Variants in GALK2 observed in about 807,000 individuals in gnomAD.
GALK2 encodes the protein N-acetylgalactosamine kinase.
A neutral mutation model predicts 52.4 loss-of-function variants in GALK2; 36 were observed. The observed-to-expected ratio is 0.69, with a 90% confidence interval of 0.53 to 0.91. The LOEUF is 0.91. Among genes scored for constraint, GALK2 ranks in the 40% least tolerant of loss-of-function variants. GALK2 has a pLI of 0.00. For missense variants in GALK2, 579 were observed against 559.1 expected (o/e 1.04, Z -0.36); for synonymous variants, 176 against 199.1 (o/e 0.88, Z 0.98).
At chr15:49,366,594 G>A in intron 3 of GALK2, 1 of 1,598,076 alleles carries the variant, frequency 6.3e-7, no homozygotes, top group Non-Finnish European at 8.6e-7. Flanking sequence ...CCAGACGCAT[G>A]CAAGATTGCT....
chr15:49,163,442 A>G (rs2084719700), intron 1 of GALK2, among the ~76,000 whole-genome samples: 1 of 151,958 alleles, frequency 6.6e-6, no homozygotes, highest in Non-Finnish European at 1.5e-5. Flanking sequence ...TTTTTCTGGA[A>G]GTTTTATATA....
intron 2 of GALK2, among the ~76,000 whole-genome samples, chr15:49,206,186 C>A (rs1042409821): frequency 6.6e-6 from 1 of 151,862 alleles, no homozygotes; most frequent in African/African-American, 2.4e-5. Context: ...AGATTTGTTT[C>A]TTTTTGCTTA....
chr15:49,326,135 CCATGT>C (rs2037440275), intron 9 of GALK2, among the ~76,000 whole-genome samples: 1 of 152,138 alleles, frequency 6.6e-6, no homozygotes, highest in Non-Finnish European at 1.5e-5. Context: ...CTTCTCTAGA[CCATGT>C]CATGGCTGGC....
chr15:49,309,956 C>T (rs534524200), intron 8 of GALK2, among the ~76,000 whole-genome samples: 1 of 152,236 alleles, frequency 6.6e-6, no homozygotes, highest in South Asian at 2.1e-4. Flanking sequence ...ACTGTAGTCA[C>T]TCTACAGTGC....
intron 1 of GALK2, among the ~76,000 whole-genome samples, chr15:49,198,451 T>C (rs1160197759): frequency 6.6e-6 from 1 of 152,224 alleles, no homozygotes; most frequent in African/African-American, 2.4e-5. Flanking sequence ...GGATACATGT[T>C]TCTATCCTAT....
At chr15:49,327,474 G>A (rs2151110416) in intron 9 of GALK2, 1 of 152,684 alleles carries the variant, frequency 6.5e-6, no homozygotes, top group East Asian at 1.9e-4. Context: ...CCTTAAGAAT[G>A]CAGCTGAAAT....
chr15:49,234,723 A>G (rs759407803), intron 3 of GALK2, among the ~76,000 whole-genome samples: 1 of 152,032 alleles, frequency 6.6e-6, no homozygotes, highest in African/African-American at 2.4e-5. Flanking sequence ...GGGAGCTACA[A>G]TTCAAGATGA....
intron 1 of GALK2, among the ~76,000 whole-genome samples, chr15:49,194,599 CTT>C (rs1169116832): frequency 3.6e-5 from 5 of 138,868 alleles, no homozygotes; most frequent in Non-Finnish European, 3.2e-5. Flanking sequence ...TTTTTCTTTT[CTT>C]TTTTTTTTTT....
intron 3 of GALK2, chr15:49,226,591 T>C (rs756154693): frequency 2.0e-5 from 3 of 152,168 alleles, no homozygotes; most frequent in African/African-American, 7.2e-5. Context: ...TTACTTCTAT[T>C]CTGATCTTCA....
At chr15:49,340,330 T>A (rs2040484519) in intron 3 of GALK2, among the ~76,000 whole-genome samples, 3 of 151,654 alleles carry the variant, frequency 2.0e-5, no homozygotes, top group Admixed American at 2.0e-4. Context: ...CACGGTACAG[T>A]CCCTAATGGC....
At position 49,328,069 on chromosome 15, in the gene GALK2, C is replaced by T. The variant is rs2037840621; in HGVS notation, c.1287C>T (p.Tyr429=). The T allele has an allele frequency of 1.2e-6, 2 of 1,613,972 alleles. No homozygotes were observed. Among genetic ancestry groups the T allele is most frequent in the Non-Finnish European group, 1.7e-6 (2 of 1,179,958 alleles). ...SFLANVHKAY[Y]QRSDGSLAPE... ...TAGCAAATGTGCACAAAGCTTATTA[C>T]CAGAGGAGTGATGGAAGCTTAGCAC... is the stretch of plus-strand genomic sequence containing the variant. Residue 429 remains tyrosine, a synonymous_variant, in exon 10 of 10, where the codon TAC becomes TAT. Transcript: ENST00000560031.
intron 2 of GALK2, among the ~76,000 whole-genome samples, chr15:49,213,076 C>G (rs1807281545): frequency 6.6e-6 from 1 of 152,150 alleles, no homozygotes; most frequent in Non-Finnish European, 1.5e-5. Flanking sequence ...TACCCTAGGG[C>G]TGAAAGTGAG....
chr15:49,181,301 G>GT (rs1454249840), intron 1 of GALK2, among the ~76,000 whole-genome samples: 1 of 151,556 alleles, frequency 6.6e-6, no homozygotes, highest in Non-Finnish European at 1.5e-5. Context: ...TAGAGATGGG[G>GT]TTTTGCCTTG....
At chr15:49,274,184 A>AT (rs1321831562) in intron 5 of GALK2, among the ~76,000 whole-genome samples, 19 of 152,212 alleles carry the variant, frequency 1.2e-4, no homozygotes, top group Admixed American at 5.2e-4. Flanking sequence ...CTGTTAGGTG[A>AT]TTTTGTCATT....
intron 3 of GALK2, chr15:49,365,993 A>G (rs1331846633): frequency 6.2e-6 from 5 of 809,416 alleles, no homozygotes; most frequent in Non-Finnish European, 1.1e-5. Flanking sequence ...ATCATAACAC[A>G]GTAGATGACT....
At chr15:49,299,739 C>CTTTCTTTCTTTCTTTCTTTTTTTTT (rs2034847426) in intron 8 of GALK2, among the ~76,000 whole-genome samples, 2 of 76,326 alleles carry the variant, frequency 2.6e-5, no homozygotes, top group African/African-American at 1.1e-4. Flanking sequence ...TCTTTCTTTT[C>CTTTCTTTCTTTCTTTCTTTTTTTTT]TTTCTTTCTT....
At chr15:49,299,485 T>G (rs2034775030) in intron 8 of GALK2, among the ~76,000 whole-genome samples, 2 of 152,086 alleles carry the variant, frequency 1.3e-5, no homozygotes, top group Admixed American at 6.6e-5. Context: ...GTTTGGTTAT[T>G]AATTTGAGAT....
chr15:49,363,316 T>G (rs895311734), intron 3 of GALK2, among the ~76,000 whole-genome samples: 2 of 152,202 alleles, frequency 1.3e-5, no homozygotes, highest in African/African-American at 4.8e-5. Context: ...TGTTTTGTAA[T>G]TCTTGTTGTA....
At chr15:49,312,507 G>T (rs75648311) in intron 8 of GALK2, among the ~76,000 whole-genome samples, 9,172 of 152,184 alleles carry the variant, frequency 0.06, 549 homozygotes, top group African/African-American at 0.15. Context: ...TGGCTTCTCT[G>T]GTTTTGAGGT....
Sources: allele counts gnomAD v4.1 joint callset (sites outside exome capture counted in the v4.1 genomes callset), GRCh38; gene constraint gnomAD v4.1.1; transcripts MANE v1.5; gene names NCBI Gene and HGNC (gene_info 2026-07-23, HGNC 2026-07-21).